The following KRI1 variants were observed in gnomAD, a reference collection of about 807,000 sequenced individuals.
The protein encoded by KRI1 is KRI1 homolog.
A neutral mutation model predicts 97.0 loss-of-function variants in KRI1; 83 were observed. The observed-to-expected ratio is 0.86, with a 90% CI of 0.72 to 1.03. The LOEUF is 1.03. Among genes scored for constraint, KRI1 ranks in the 50% least tolerant of loss-of-function variants. The pLI is 0.00. For synonymous variants in KRI1, 371 were observed against 363.5 expected (o/e 1.02, Z -0.23); for missense variants, 916 against 928.4 (o/e 0.99, Z 0.17).
At chr19:10,554,310 AGGC>A in intron 18 of KRI1, 29 bp from the exon 19 acceptor site, 4 of 1,587,706 alleles carry the variant, frequency 2.5e-6, no homozygotes, top group Non-Finnish European at 3.5e-6. Flanking sequence ...GGCTCAGCCC[AGGC>A]CTGTCAAGAT....
At chr19:10,563,594 G>A (rs368927598) in intron 3 of KRI1, among the ~76,000 whole-genome samples, 34 of 151,786 alleles carry the variant, frequency 2.2e-4, no homozygotes, top group East Asian at 1.2e-3. Context: ...TGATCCTCCC[G>A]CCTCAACCTC....
At chr19:10,554,959 C>T in intron 18 of KRI1, 128 bp downstream of exon 18, 5 of 708,540 alleles carry the variant, frequency 7.1e-6, no homozygotes, top group South Asian at 3.6e-5. Flanking sequence ...ATATAGGATT[C>T]GAACCCAGGT....
At chr19:10,560,492 G>C (rs1326322765) in intron 8 of KRI1, 44 bp from the exon 9 acceptor site, 2 of 1,458,026 alleles carry the variant, frequency 1.4e-6, no homozygotes, top group Non-Finnish European at 1.9e-6. Flanking sequence ...GGAGGACAGG[G>C]AAGGAGGGCA....
chr19:10,565,218 G>T, intron 2 of KRI1, 184 bp from the exon 3 acceptor site: 1 of 625,636 alleles, frequency 1.6e-6, no homozygotes, highest in Non-Finnish European at 2.8e-6. Context: ...GCAGGCCACA[G>T]GTAGGTACAG....
At position 10,557,787 on chromosome 19, in the gene KRI1, TCTC is replaced by T. The variant is rs1345446861; in HGVS notation, c.1465_1467del (p.Glu489del). On this transcript the variant is annotated inframe_deletion, in exon 15 of 19. Coordinates refer to ENST00000312962, the MANE Select transcript of KRI1 (RefSeq NM_023008.5). ...GCCTCACCGGGTTCAAACACGGGCT[TCTC>T]CTGCCCCACGGCCGCGGCGAAGGGC... is the stretch of plus-strand genomic sequence containing the variant. 2.5e-5 allele frequency: 41 copies of T among 1,613,188 alleles called. No individual in the cohort carries two copies. Among genetic ancestry groups the T allele is most frequent in the Non-Finnish European group, 3.5e-5 (41 of 1,179,756 alleles).
intron 12 of KRI1, among the ~76,000 whole-genome samples, chr19:10,558,750 T>G (rs1454229172): frequency 6.6e-6 from 1 of 151,668 alleles, no homozygotes; most frequent in Admixed American, 6.6e-5. Flanking sequence ...CAGTAGCCCA[T>G]GCTGGAGTAC....
At chr19:10,561,754 C>G (rs1232661210) in intron 5 of KRI1, 37 bp downstream of exon 5, 1 of 1,613,922 alleles carries the variant, frequency 6.2e-7, no homozygotes, top group East Asian at 2.2e-5. Context: ...CAGCCCCAGG[C>G]CCCTCAGCCC....
Position 10,560,454 on chromosome 19 carries a change from G to A in KRI1, c.664-6C>T. The A allele has an allele frequency of 6.2e-7, 1 of 1,602,580 alleles. No homozygotes were observed. The highest frequency in any genetic ancestry group is 1.1e-5 in the South Asian group (1 of 89,684). On this transcript the variant is annotated splice_polypyrimidine_tract_variant and splice_region_variant and intron_variant, in intron 8 of 18. Coordinates refer to ENST00000312962, the MANE Select transcript of KRI1 (RefSeq NM_023008.5). ...CAGTATTCCTTGAGATGCGTCTGGG[G>A]GTGACAGGAGACAGGACTCTGGTCA...
intron 9 of KRI1, 50 bp from the exon 10 acceptor site, chr19:10,559,986 GC>G (rs752423548): frequency 1.3e-6 from 2 of 1,595,104 alleles, no homozygotes; most frequent in Admixed American, 1.7e-5. Flanking sequence ...GTGAGGTCGA[GC>G]CCCCCTTTCC....
chr19:10,553,893 C>G lies in KRI1; in HGVS notation c.*58G>C, dbSNP rs1189542836. Reference sequence around the variant, plus strand: ...GCAGATAGTACTTGTGGGTGCGAGACCTGTCCAGGGCTTGATTTGAGGAGA... The same window carrying G: ...GCAGATAGTACTTGTGGGTGCGAGAGCTGTCCAGGGCTTGATTTGAGGAGA... On this transcript the variant is annotated 3_prime_UTR_variant, in exon 19 of 19. Coordinates refer to ENST00000312962, the MANE Select transcript of KRI1 (RefSeq NM_023008.5). 1.5e-6 allele frequency: 2 copies of G among 1,374,972 alleles called. No individual in the cohort carries two copies. Among genetic ancestry groups the G allele is most frequent in the Non-Finnish European group, 1.9e-6 (2 of 1,026,094 alleles). 85.2% of individuals were successfully genotyped at this position (1,374,972 alleles called of 1,614,324 possible).
In KRI1 at chr19:10,554,121, T is replaced by G; in HGVS notation, c.1942A>C (p.Lys648Gln). The G allele has an allele frequency of 6.2e-7, 1 of 1,614,158 alleles. No homozygotes were observed. The highest frequency in any genetic ancestry group is 8.5e-7 in the Non-Finnish European group (1 of 1,180,034). Residue 648 changes from lysine (K) to glutamine (Q), a missense_variant, in exon 19 of 19, where the codon AAG (lysine) becomes CAG (glutamine). This residue lies in a region of KRI1 where 672 missense variants were observed against 667.2 expected (regional missense o/e 1.01). Coordinates refer to ENST00000312962, the MANE Select transcript of KRI1 (RefSeq NM_023008.5). ...CGTGCCTTCTTGGCCCTCCTCCGCT[T>G]CTGGGGGGCTGGCTTCTTGTGGGGT... ...VSPHKKPAPQ[K>Q]RRRAKKARLL...
At position 10,560,366 on chromosome 19, in the gene KRI1, T is replaced by A. The variant is rs536310945; in HGVS notation, c.746A>T (p.Tyr249Phe). ...TTCCTCCTCCTCTTCCTCCTCCTCA[T>A]AGCGTTTGTTGAGGATGTAATCCCG... Reference protein sequence around the residue: ...FLRDYILNKRYEEEEEEEEDE... With the variant: ...FLRDYILNKRFEEEEEEEEDE... Residue 249 changes from tyrosine (Y) to phenylalanine (F), a missense_variant, in exon 9 of 19, where the codon TAT becomes TTT. By Grantham distance (22) the Tyr-to-Phe change is conservative. This residue lies in a region of KRI1 where 672 missense variants were observed against 667.2 expected (regional missense o/e 1.01). Transcript: ENST00000312962. 5.0e-5 allele frequency: 81 copies of A among 1,613,650 alleles called. No individual in the cohort carries two copies. In the South Asian group the frequency reaches 8.9e-4, roughly 18 times the overall value.
Position 10,557,674 on chromosome 19 carries a change from T to A in KRI1, c.1495A>T (p.Thr499Ser). Residue 499 changes from threonine to serine, a missense_variant, in exon 16 of 19, where the codon ACG becomes TCG. This residue lies in a region of KRI1 where 672 missense variants were observed against 667.2 expected (regional missense o/e 1.01). Coordinates refer to ENST00000312962, the MANE Select transcript of KRI1 (RefSeq NM_023008.5). Reference sequence around the variant, plus strand: ...TACTCATCCAGGTACTCCTCGAACGTCTTGTCCCCTGCTCGAGACAGAGCC... The same window carrying A: ...TACTCATCCAGGTACTCCTCGAACGACTTGTCCCCTGCTCGAGACAGAGCC... ...EKPVFEPGDK[T>S]FEEYLDEYYR... The A allele has an allele frequency of 6.2e-7, 1 of 1,614,160 alleles. No homozygotes were observed. Among genetic ancestry groups the A allele is most frequent in the East Asian group, 2.2e-5 (1 of 44,874 alleles).
intron 12 of KRI1, 53 bp from the exon 13 acceptor site, chr19:10,558,292 A>T: frequency 6.4e-7 from 1 of 1,569,118 alleles, no homozygotes. Flanking sequence ...ATAGGAGCTG[A>T]GCCCCCTACG....
At chr19:10,560,022 G>A (rs544567797) in intron 9 of KRI1, 86 bp from the exon 10 acceptor site, 189 of 1,491,614 alleles carry the variant, frequency 1.3e-4, no homozygotes, top group Admixed American at 1.4e-4. Context: ...CGAAGCGTAT[G>A]AACTCATTTA....
Position 10,555,133 on chromosome 19 carries a change from TC to T in KRI1, c.1734del (p.Asn579ThrfsTer45). On this transcript the variant is annotated frameshift_variant, in exon 18 of 19. Transcript: ENST00000312962. LOFTEE classifies it low-confidence loss of function (END_TRUNC). Reference protein sequence around the residue: ...RDKRAYSQKAQNSWKKRQVFK... With the variant: ...RDKRAYSQKAXNSWKKRQVFK... ...AAGACCTGCCGCTTTTTCCATGAGT[TC>T]TGGGCCTTCTGGCTGTACGCCCGCT... 1 of 1,614,232 alleles carries T rather than the reference TC, an allele frequency of 6.2e-7. No homozygotes were observed. The highest frequency in any genetic ancestry group is 1.1e-5 in the South Asian group (1 of 91,090).
intron 2 of KRI1, 133 bp from the exon 3 acceptor site, chr19:10,565,167 A>G: frequency 1.5e-6 from 1 of 687,572 alleles, no homozygotes; most frequent in Non-Finnish European, 2.6e-6. Flanking sequence ...ACAGGTGGTC[A>G]AACAGCAGGA....
intron 11 of KRI1, 24 bp from the exon 12 acceptor site, chr19:10,559,553 G>GAGGGCATGGGCTT: frequency 6.2e-7 from 1 of 1,613,844 alleles, no homozygotes; most frequent in Non-Finnish European, 8.5e-7. Context: ...CAGAGAGGGG[G>GAGGGCATGGGCTT]AGGGCATGGG....
chr19:10,553,908 AT>A lies in KRI1; in HGVS notation c.*42del, dbSNP rs1270203176. Reference sequence around the variant, plus strand: ...GGGTGCGAGACCTGTCCAGGGCTTGATTTGAGGAGAGGAGCCTGAGGCCCCT... The same window carrying A: ...GGGTGCGAGACCTGTCCAGGGCTTGATTGAGGAGAGGAGCCTGAGGCCCCT... On this transcript the variant is annotated 3_prime_UTR_variant, in exon 19 of 19. Coordinates refer to ENST00000312962, the MANE Select transcript of KRI1 (RefSeq NM_023008.5). 3.4e-6 allele frequency: 5 copies of A among 1,475,340 alleles called. No individual in the cohort carries two copies. Among genetic ancestry groups the A allele is most frequent in the Admixed American group, 2.4e-5 (1 of 42,146 alleles). 91.4% of individuals were successfully genotyped at this position (1,475,340 alleles called of 1,614,324 possible).
Sources: allele counts gnomAD v4.1 joint callset (sites outside exome capture counted in the v4.1 genomes callset), GRCh38; gene constraint gnomAD v4.1.1; regional missense constraint gnomAD v4.1.1; transcripts MANE v1.5; gene names NCBI Gene and HGNC (gene_info 2026-07-23, HGNC 2026-07-21).